The following WAPL variants were observed in gnomAD, a reference collection of about 807,000 sequenced individuals.
The protein encoded by WAPL is wings apart-like protein homolog.
Under a neutral mutation model 121.0 loss-of-function variants are expected in WAPL, and 5 were observed. The observed-to-expected ratio is 0.04, with a 90% CI of 0.02 to 0.09. The LOEUF is 0.09. WAPL is among the 10% of genes least tolerant of loss of function. The pLI, the probability that WAPL is intolerant of heterozygous loss-of-function variation, is 1.00. For synonymous variants in WAPL, 480 were observed against 481.5 expected (o/e 1.00, Z 0.04); for missense variants, 999 against 1,410.8 (o/e 0.71, Z 4.68).
rs749935617 is a variant in WAPL at position 86,437,903 on chromosome 10, T to C, written c.3507+17A>G. The stretch of plus-strand genomic sequence containing the variant: ...TATAAATTTAAAATCATATAAGCTG[T>C]AATAAAAGCTACTTACAGTGAGATT... On this transcript the variant is annotated intron_variant, in intron 18 of 18. Transcript: ENST00000298767. The C allele has an allele frequency of 1.3e-6, 2 of 1,549,884 alleles. No homozygotes were observed. Among genetic ancestry groups the C allele is most frequent in the Non-Finnish European group, 1.8e-6 (2 of 1,122,884 alleles).
At chr10:86,439,925 T>G (rs1166160266) in intron 17 of WAPL, among the ~76,000 whole-genome samples, 1 of 152,246 alleles carries the variant, frequency 6.6e-6, no homozygotes, top group Admixed American at 6.5e-5. Flanking sequence ...AACAACCACA[T>G]GCTTTCTTGT....
At chr10:86,443,659 A>G (rs770176339) in intron 16 of WAPL, 93 of 323,146 alleles carry the variant, frequency 2.9e-4, no homozygotes, top group South Asian at 6.7e-4. Context: ...CATGAACTTG[A>G]TAAGGGTCAA....
intron 16 of WAPL, among the ~76,000 whole-genome samples, chr10:86,445,647 C>T (rs542686914): frequency 6.6e-6 from 1 of 152,184 alleles, no homozygotes; most frequent in African/African-American, 2.4e-5. Context: ...ACCTCAGCCT[C>T]CCAACCACCT....
rs369933216 is a variant in WAPL at position 86,446,354 on chromosome 10, T to C, written c.3210A>G (p.Gly1070=). The C allele has an allele frequency of 7.4e-6, 12 of 1,614,082 alleles. No individual in the cohort carries two copies. In the African/African-American group the frequency reaches 1.5e-4, roughly 20 times the overall value. ...TTTCTCCACTTGTTTCTTGCCACTC[T>C]CCACTCTTATCATGCTGAGTGGTGG... ...DAPTTQHDKS[G]EWQETSGEIQ... is the part of the protein sequence containing the mutation. Residue 1070 remains glycine, a synonymous_variant, in exon 16 of 19, where the codon GGA becomes GGG. Transcript: ENST00000298767.
At chr10:86,459,293 T>C (rs923700137) in intron 11 of WAPL, among the ~76,000 whole-genome samples, 1 of 152,206 alleles carries the variant, frequency 6.6e-6, no homozygotes, top group Admixed American at 6.5e-5. Context: ...ATTAACATAT[T>C]CTACACTACA....
chr10:86,517,721 T>C lies in WAPL; in HGVS notation c.349A>G (p.Ser117Gly), dbSNP rs1457958278. The change falls in exon 2 of 19, where the codon AGC (serine) becomes GGC (glycine). Residue 117 changes from serine to glycine, a missense_variant. This residue lies in a region of WAPL where 531 missense variants were observed against 563.1 expected (regional missense o/e 0.94). Transcript: ENST00000298767. ...EEVTSVLEAN[S>G]KISHVVVEDT... Reference sequence around the variant, plus strand: ...TCAACGACCACATGACTAATTTTGCTATTAGCTTCAAGTACTGAAGTGACC... The same window carrying C: ...TCAACGACCACATGACTAATTTTGCCATTAGCTTCAAGTACTGAAGTGACC... The C allele has an allele frequency of 6.2e-7, 1 of 1,614,086 alleles. No homozygotes were observed. The highest frequency in any genetic ancestry group is 8.5e-7 in the Non-Finnish European group (1 of 1,180,040).
chr10:86,449,014 G>A (rs1840904199), intron 15 of WAPL, among the ~76,000 whole-genome samples: 1 of 152,058 alleles, frequency 6.6e-6, no homozygotes, highest in South Asian at 2.1e-4. Flanking sequence ...ATAGATCTGT[G>A]GAGTTTAAAC....
chr10:86,465,661 TG>T (rs759110731), intron 9 of WAPL, among the ~76,000 whole-genome samples: 16 of 152,254 alleles, frequency 1.1e-4, no homozygotes, highest in Non-Finnish European at 2.2e-4. Context: ...TTCTGAATTA[TG>T]CTTTCCATAT....
chr10:86,460,271 T>C (rs1322540742), intron 11 of WAPL, 128 bp downstream of exon 11: 38 of 704,244 alleles, frequency 5.4e-5, no homozygotes. Context: ...AAAAATGTAC[T>C]GCTATTTCTA....
At chr10:86,513,610 C>T (rs1053837944) in intron 2 of WAPL, among the ~76,000 whole-genome samples, 7 of 152,092 alleles carry the variant, frequency 4.6e-5, no homozygotes, top group Non-Finnish European at 7.4e-5. Flanking sequence ...CCGCCACACC[C>T]GCAACAAAAT....
chr10:86,453,616 A>T (rs1367868885), intron 13 of WAPL, 40 bp downstream of exon 13: 1 of 1,570,056 alleles, frequency 6.4e-7, no homozygotes. Flanking sequence ...CACATGCAAT[A>T]TACATCTTTC....
At chr10:86,443,162 G>T in intron 17 of WAPL, 113 bp downstream of exon 17, 2 of 739,844 alleles carry the variant, frequency 2.7e-6, no homozygotes, top group Non-Finnish European at 4.2e-6. Context: ...GAATAAGTTG[G>T]ACATTAAGGG....
intron 4 of WAPL, among the ~76,000 whole-genome samples, chr10:86,482,090 T>C (rs554486955): frequency 1.3e-5 from 2 of 152,304 alleles, no homozygotes; most frequent in South Asian, 2.1e-4. Flanking sequence ...AAGGGCAGAA[T>C]TGCCAAACAA....
At chr10:86,478,878 T>C (rs909443110) in intron 4 of WAPL, among the ~76,000 whole-genome samples, 1 of 152,096 alleles carries the variant, frequency 6.6e-6, no homozygotes, top group Non-Finnish European at 1.5e-5. Flanking sequence ...GCAGACCACT[T>C]GAGGTCAGGA....
At chr10:86,516,707 C>A (rs548467548) in intron 2 of WAPL, among the ~76,000 whole-genome samples, 1 of 151,980 alleles carries the variant, frequency 6.6e-6, no homozygotes, top group Non-Finnish European at 1.5e-5. Flanking sequence ...GAAGACAGAA[C>A]AAAATATATC....
intron 15 of WAPL, among the ~76,000 whole-genome samples, chr10:86,451,588 TCA>T (rs1355796638): frequency 2.6e-5 from 4 of 152,084 alleles, no homozygotes; most frequent in African/African-American, 7.2e-5. Context: ...AGATGAGGTT[TCA>T]CCATATTGGT....
At chr10:86,442,144 G>A (rs899193549) in intron 17 of WAPL, among the ~76,000 whole-genome samples, 8 of 152,086 alleles carry the variant, frequency 5.3e-5, no homozygotes, top group Non-Finnish European at 1.2e-4. Context: ...CGATTCTTGC[G>A]TCTCAGCCTC....
intron 4 of WAPL, among the ~76,000 whole-genome samples, chr10:86,477,652 A>C (rs1209766313): frequency 6.6e-6 from 1 of 152,072 alleles, no homozygotes; most frequent in Middle Eastern, 3.2e-3. Flanking sequence ...AATACAAAAA[A>C]TTAGCCAGGT....
intron 12 of WAPL, among the ~76,000 whole-genome samples, chr10:86,456,110 T>C (rs1368411051): frequency 6.6e-6 from 1 of 152,162 alleles, no homozygotes; most frequent in Non-Finnish European, 1.5e-5. Context: ...TCTGACTACA[T>C]AAGCACAATA....
Sources: gnomAD v4.1 joint callset for allele counts (sites outside exome capture counted in the v4.1 genomes callset) on GRCh38, gnomAD v4.1.1 for gene constraint, gnomAD v4.1.1 regional missense constraint, MANE v1.5 for transcripts, NCBI Gene and HGNC (gene_info 2026-07-23, HGNC 2026-07-21) for gene names.